The following PAX3 variants were observed in gnomAD, a reference collection of about 807,000 sequenced individuals.
PAX3 encodes the protein paired box 3, also known as paired box protein Pax-3.
PAX3 carries 14 observed loss-of-function variants against 51.6 expected under a neutral mutation model. The ratio of observed to expected loss-of-function variants is 0.27; its 90% CI spans 0.18 to 0.42. The LOEUF is 0.42. PAX3 is among the 10% of genes least tolerant of loss of function. The pLI is 1.00. For missense variants in PAX3, 540 were observed against 642.8 expected, an observed-to-expected ratio of 0.84 and a Z score of 1.73; for synonymous variants, 280 against 253.4, an observed-to-expected ratio of 1.11 and a Z score of -1.00.
chr2:222,208,238 T>A (rs76509336), intron 7 of PAX3, among the ~76,000 whole-genome samples: 3,395 of 152,220 alleles, frequency 0.022, 107 homozygotes, highest in African/African-American at 0.072. Context: ...TTTGTGACCA[T>A]GTCTACAATT....
intron 4 of PAX3, among the ~76,000 whole-genome samples, chr2:222,253,839 A>G (rs915801451): frequency 2.0e-5 from 3 of 151,884 alleles, no homozygotes; most frequent in African/African-American, 7.3e-5. Flanking sequence ...TTTTTTTAAG[A>G]GATGGGGCTC....
At chr2:222,271,390 C>A (rs940264891) in intron 4 of PAX3, among the ~76,000 whole-genome samples, 2 of 152,158 alleles carry the variant, frequency 1.3e-5, no homozygotes, top group Admixed American at 1.3e-4. Context: ...CCTCAGGATG[C>A]TATGGTCATG....
At position 222,201,080 on chromosome 2, in the gene PAX3, A is replaced by G; in HGVS notation, c.*328T>C. On this transcript the variant is annotated 3_prime_UTR_variant, in exon 9 of 9. Transcript: ENST00000392070. ...GCACGCACGCACACAAGCAAATGGA[A>G]TGTTCTAGCTCCTCGATGATCAGCA... The G allele has an allele frequency of 1.5e-6, 2 of 1,345,894 alleles. No individual in the cohort carries two copies. 83.4% of individuals were successfully genotyped at this position (1,345,894 alleles called of 1,614,324 possible). A position where few individuals can be genotyped will look rare whatever the true frequency, so the allele number is the denominator to read the frequency against.
intron 7 of PAX3, among the ~76,000 whole-genome samples, chr2:222,209,784 G>A (rs559289663): frequency 6.7e-6 from 1 of 149,012 alleles, no homozygotes; most frequent in East Asian, 2.0e-4. Flanking sequence ...CCCAGCTACT[G>A]GGGGGCTAAG....
chr2:222,286,023 C>T (rs906856591), intron 4 of PAX3, among the ~76,000 whole-genome samples: 3 of 152,218 alleles, frequency 2.0e-5, no homozygotes, highest in East Asian at 1.9e-4. Context: ...CTGCAACCTC[C>T]GTCTCCCAGG....
At chr2:222,275,272 T>C (rs1407812823) in intron 4 of PAX3, among the ~76,000 whole-genome samples, 2 of 152,222 alleles carry the variant, frequency 1.3e-5, no homozygotes, top group Non-Finnish European at 2.9e-5. Flanking sequence ...GCTTCTATTT[T>C]AAAAGATTAG....
chr2:222,251,979 A>G (rs1158856318), intron 4 of PAX3, among the ~76,000 whole-genome samples: 2 of 152,220 alleles, frequency 1.3e-5, no homozygotes, highest in Non-Finnish European at 2.9e-5. Flanking sequence ...AATACCTCCA[A>G]ATCGAAGATG....
At chr2:222,295,725 C>T in intron 2 of PAX3, 68 bp from the exon 3 acceptor site, 1 of 1,577,514 alleles carries the variant, frequency 6.3e-7, no homozygotes, top group Non-Finnish European at 8.7e-7. Context: ...GGCCCCACCG[C>T]CTCTGGGCCT....
Position 222,294,286 on chromosome 2 carries a change from C to T in PAX3, c.467G>A (p.Arg156His), listed in dbSNP as rs768608755. 1 of 1,614,188 alleles carries T rather than the reference C, an allele frequency of 6.2e-7. No homozygotes were observed. The highest frequency in any genetic ancestry group is 8.5e-7 in the Non-Finnish European group (1 of 1,180,028). ...TTTCCCGAATTTACTTCTCAGGATG[C>T]GGCTGATGGAACTCACTGGGGGCGG... ...NTVPSVSSISRILRSKFGKGE... is the reference protein window; with the variant it reads ...NTVPSVSSISHILRSKFGKGE... Residue 156 changes from arginine to histidine, a missense_variant, in exon 4 of 9, where the codon CGC becomes CAC. Coordinates refer to ENST00000392070, the MANE Select transcript of PAX3 (RefSeq NM_181458.4).
In PAX3 at chr2:222,294,536, G is replaced by A. The variant is rs13414716; in HGVS notation, c.452-235C>T. ...TGTATCTCGGTACTGAAAGACGGAGGCTGGGAAAACCGTGCCTCCAAGTTA... is the reference window on the plus strand; with the variant it reads ...TGTATCTCGGTACTGAAAGACGGAGACTGGGAAAACCGTGCCTCCAAGTTA... On this transcript the variant is annotated intron_variant, in intron 3 of 8. Transcript: ENST00000392070. Among the ~76,000 whole-genome samples the A allele has an allele frequency of 4.9e-3, 745 of 151,916 alleles. 8 individuals are homozygous for A. The highest frequency in any genetic ancestry group is 0.017 in the African/African-American group (703 of 41,408).
intron 4 of PAX3, among the ~76,000 whole-genome samples, chr2:222,235,039 T>A (rs1478654883): frequency 6.6e-6 from 1 of 152,206 alleles, no homozygotes; most frequent in Non-Finnish European, 1.5e-5. Flanking sequence ...GATAATAGTA[T>A]GTGGAAATTT....
intron 7 of PAX3, among the ~76,000 whole-genome samples, chr2:222,218,173 A>G (rs1165691280): frequency 1.3e-5 from 2 of 152,192 alleles, no homozygotes; most frequent in African/African-American, 4.8e-5. Context: ...GAAATACAGG[A>G]AAAATGCCTA....
chr2:222,238,507 T>C (rs1187002189), intron 4 of PAX3, among the ~76,000 whole-genome samples: 1 of 152,186 alleles, frequency 6.6e-6, no homozygotes, highest in African/African-American at 2.4e-5. Flanking sequence ...CAGCAAGACG[T>C]TTCATTTGAA....
rs545816786 is a variant in PAX3, at chr2:222,262,966, C to T, written c.587-30683G>A. ...ATAAACCTTGCCCTAAACCTAACAC[C>T]ACCACATACAAAAATTAACTGAAAA... On this transcript the variant is annotated intron_variant, in intron 4 of 8. Transcript: ENST00000392070. The T allele has an allele frequency of 4.0e-5, 6 of 150,186 alleles. No individual in the cohort carries two copies. The South Asian group carries it at 1.3e-3, about 32-fold the overall frequency. The allele number at this position is 150,186 out of a possible 1,614,324, so 9.3% of individuals were successfully genotyped here. A position where few individuals can be genotyped will look rare whatever the true frequency, so the allele number is the denominator to read the frequency against.
chr2:222,259,373 T>C (rs1459063925), intron 4 of PAX3, among the ~76,000 whole-genome samples: 1 of 152,226 alleles, frequency 6.6e-6, no homozygotes, highest in Non-Finnish European at 1.5e-5. Context: ...GCCTGTTTTA[T>C]ATCTAGATCA....
chr2:222,231,248 A>AAATTAAGAAT (rs1357872976), intron 5 of PAX3, among the ~76,000 whole-genome samples: 1 of 152,220 alleles, frequency 6.6e-6, no homozygotes, highest in Non-Finnish European at 1.5e-5. Context: ...GAAATAACAC[A>AAATTAAGAAT]CAATATTTGC....
At chr2:222,226,458 T>C (rs1692389058) in intron 5 of PAX3, among the ~76,000 whole-genome samples, 1 of 152,002 alleles carries the variant, frequency 6.6e-6, no homozygotes, top group African/African-American at 2.4e-5. Context: ...GAAAAGACCA[T>C]GGACACACAC....
At chr2:222,259,735 C>G (rs986246594) in intron 4 of PAX3, among the ~76,000 whole-genome samples, 1 of 152,144 alleles carries the variant, frequency 6.6e-6, no homozygotes, top group Non-Finnish European at 1.5e-5. Context: ...CATACTTTCC[C>G]TTTTCTAACA....
chr2:222,296,309 C>A lies in PAX3; in HGVS notation c.322-652G>T, dbSNP rs560629330. On this transcript the variant is annotated intron_variant, in intron 2 of 8. Transcript: ENST00000392070. Reference sequence around the variant, plus strand: ...TTTGGAGGTCTTCGGTTTACCATAACCCTCTTGATTTTGCCCGGTGGCAAC... The same window carrying A: ...TTTGGAGGTCTTCGGTTTACCATAAACCTCTTGATTTTGCCCGGTGGCAAC... Among the ~76,000 whole-genome samples, 10 of 152,324 alleles carry A rather than the reference C, an allele frequency of 6.6e-5. No individual in the cohort carries two copies. In the South Asian group the frequency reaches 1.7e-3, roughly 25 times the overall value.
Sources: gnomAD v4.1 joint callset for allele counts (sites outside exome capture counted in the v4.1 genomes callset) on GRCh38, gnomAD v4.1.1 for gene constraint, MANE v1.5 for transcripts, NCBI Gene and HGNC (gene_info 2026-07-23, HGNC 2026-07-21) for gene names.